GLIS3: variants seen among roughly 807,000 people sequenced by gnomAD.
GLIS3 encodes the protein GLIS family zinc finger 3, also known as zinc finger protein GLIS3.
A neutral mutation model predicts 78.6 loss-of-function variants in GLIS3; 53 were observed. That is an observed-to-expected ratio of 0.67 (90% CI 0.54 to 0.85). The LOEUF is 0.85. Ranked by LOEUF, GLIS3 falls within the 40% of genes least tolerant of loss-of-function variation. The pLI is 0.00. For missense variants in GLIS3, 1,703 were observed against 1,231.1 expected (o/e 1.38, Z -5.74); for synonymous variants, 684 against 509.9 (o/e 1.34, Z -4.60).
At chr9:4,434,360 G>T in the GLIS3 span, among the ~76,000 whole-genome samples, 1 of 152,138 alleles carries the variant, frequency 6.6e-6, no homozygotes, top group Admixed American at 6.5e-5. Flanking sequence ...TTTTATGACA[G>T]TATGTCCAGG....
intron 7 of GLIS3, among the ~76,000 whole-genome samples, chr9:3,882,211 A>G (rs564176295): frequency 1.4e-5 from 2 of 144,072 alleles, no homozygotes; most frequent in African/African-American, 5.3e-5. Context: ...ACAAAGATGA[A>G]CAAGATATAA....
At chr9:4,306,982 T>A (rs1817241372) in intron 4 of GLIS3, among the ~76,000 whole-genome samples, 1 of 152,208 alleles carries the variant, frequency 6.6e-6, no homozygotes, top group African/African-American at 2.4e-5. Flanking sequence ...ACTGCTTTCT[T>A]TTTCCTTCCA....
intron 2 of GLIS3, among the ~76,000 whole-genome samples, chr9:4,209,248 C>T (rs959241155): frequency 6.6e-6 from 1 of 152,184 alleles, no homozygotes; most frequent in South Asian, 2.1e-4. Context: ...AGAACCCACA[C>T]ATCCTGACCC....
the GLIS3 span, among the ~76,000 whole-genome samples, chr9:4,368,410 T>C: frequency 6.7e-5 from 10 of 148,978 alleles, no homozygotes; most frequent in African/African-American, 2.2e-4. Flanking sequence ...AGTGGCACAA[T>C]CTCTGCTCAC....
chr9:3,986,550 G>A (rs1010837563), intron 4 of GLIS3, among the ~76,000 whole-genome samples: 30 of 152,296 alleles, frequency 2.0e-4, no homozygotes, highest in Admixed American at 1.4e-3. Context: ...ATTCATATAA[G>A]CTATTCTCCA....
chr9:4,107,242 T>C (rs1268231991), intron 4 of GLIS3, among the ~76,000 whole-genome samples: 3 of 152,192 alleles, frequency 2.0e-5, no homozygotes, highest in African/African-American at 7.2e-5. Flanking sequence ...TAGTTCCTTG[T>C]GGCAGATACT....
chr9:4,437,784 A>G, the GLIS3 span, among the ~76,000 whole-genome samples: 334 of 152,290 alleles, frequency 2.2e-3, 3 homozygotes, highest in Admixed American at 0.011. Context: ...TGTGAAGACA[A>G]TGAGGGTGAG....
chr9:3,940,581 G>A (rs1458944961), intron 4 of GLIS3, among the ~76,000 whole-genome samples: 1 of 152,162 alleles, frequency 6.6e-6, no homozygotes, highest in Non-Finnish European at 1.5e-5. Context: ...ATGACTGAAT[G>A]ATGAGGCCAG....
the GLIS3 span, among the ~76,000 whole-genome samples, chr9:4,465,352 A>G: frequency 6.6e-6 from 1 of 152,250 alleles, no homozygotes; most frequent in Admixed American, 6.5e-5. Context: ...GTTCGAGACC[A>G]GCCTGGCCAA....
chr9:4,312,083 T>G (rs1220680989), intron 2 of GLIS3, among the ~76,000 whole-genome samples: 3 of 152,356 alleles, frequency 2.0e-5, no homozygotes, highest in African/African-American at 7.2e-5. Flanking sequence ...CAAACCCGCA[T>G]GACATGAGTT....
chr9:4,153,632 T>C (rs1035690555), intron 2 of GLIS3, among the ~76,000 whole-genome samples: 1 of 152,098 alleles, frequency 6.6e-6, no homozygotes, highest in African/African-American at 2.4e-5. Flanking sequence ...AGAACAGAAG[T>C]ATAAAATCAT....
chr9:4,382,080 C>CT, the GLIS3 span, among the ~76,000 whole-genome samples: 48 of 152,190 alleles, frequency 3.2e-4, no homozygotes, highest in Non-Finnish European at 2.9e-4. Context: ...GAATGTCACC[C>CT]TTTTCCCTTT....
intron 4 of GLIS3, among the ~76,000 whole-genome samples, chr9:4,049,306 C>T (rs1241810516): frequency 2.0e-5 from 3 of 152,170 alleles, no homozygotes; most frequent in Admixed American, 2.0e-4. Flanking sequence ...CTGCTACTGG[C>T]CTGGCCATCT....
chr9:4,183,473 T>C (rs569225790), intron 2 of GLIS3, among the ~76,000 whole-genome samples: 14 of 152,288 alleles, frequency 9.2e-5, no homozygotes, highest in Middle Eastern at 3.4e-3. Context: ...CTAGCTTAAA[T>C]TGCATAGTCC....
chr9:3,838,392 C>T (rs1285062064), intron 9 of GLIS3, among the ~76,000 whole-genome samples: 2 of 152,108 alleles, frequency 1.3e-5, no homozygotes, highest in African/African-American at 4.8e-5. Context: ...CCTGGCCAAC[C>T]CACACTTTCT....
intron 6 of GLIS3, chr9:3,901,338 G>A (rs139206935): frequency 2.3e-4 from 35 of 153,420 alleles, no homozygotes; most frequent in East Asian, 1.3e-3. Flanking sequence ...AAGCTGGCTC[G>A]CACCAATCTG....
At chr9:4,349,835 T>C (rs995545875), upstream of GLIS3, among the ~76,000 whole-genome samples, 1 of 152,256 alleles carries the variant, frequency 6.6e-6, no homozygotes, top group African/African-American at 2.4e-5. Flanking sequence ...TCATGAAGCC[T>C]TCAGGGTGTC....
chr9:3,872,198 A>G (rs892164768), intron 8 of GLIS3, among the ~76,000 whole-genome samples: 2 of 152,186 alleles, frequency 1.3e-5, no homozygotes, highest in South Asian at 2.1e-4. Context: ...CCGTATCTCT[A>G]TCAGCATTTT....
chr9:4,125,698 C>A, intron 3 of GLIS3, 36 bp downstream of exon 3: 1 of 1,474,178 alleles, frequency 6.8e-7, no homozygotes, highest in Non-Finnish European at 9.5e-7. Context: ...TGTGTTTATA[C>A]CATAAAGAAA....
Sources: allele counts gnomAD v4.1 joint callset (sites outside exome capture counted in the v4.1 genomes callset), GRCh38; gene constraint gnomAD v4.1.1; transcripts MANE v1.5; gene names NCBI Gene and HGNC (gene_info 2026-07-23, HGNC 2026-07-21).